MICU1: variants seen among roughly 807,000 people sequenced by gnomAD.
MICU1 encodes the protein calcium uptake protein 1, mitochondrial.
A neutral mutation model predicts 56.8 loss-of-function variants in MICU1; 45 were observed. The observed-to-expected ratio is 0.79, with a 90% CI of 0.62 to 1.02. The LOEUF (loss-of-function observed/expected upper bound fraction) is 1.02. MICU1 is among the 50% of genes least tolerant of loss of function. The pLI is 0.00. For missense variants in MICU1, 504 were observed against 587.1 expected (o/e 0.86, Z 1.46); for synonymous variants, 186 against 195.1 (o/e 0.95, Z 0.39).
intron 1 of MICU1, among the ~76,000 whole-genome samples, chr10:72,593,635 C>CA (rs566699081): frequency 2.8e-4 from 42 of 151,862 alleles, no homozygotes; most frequent in African/African-American, 9.7e-4. Flanking sequence ...AAGATTGCAC[C>CA]AAAAAACTGT....
chr10:72,376,048 T>C (rs994212024), intron 10 of MICU1, among the ~76,000 whole-genome samples, 176 bp from the exon 11 acceptor site: 10 of 152,196 alleles, frequency 6.6e-5, no homozygotes, highest in Non-Finnish European at 1.5e-4. Context: ...TCCAGCACTT[T>C]GGGAGGCCGA....
intron 4 of MICU1, among the ~76,000 whole-genome samples, chr10:72,540,398 A>T (rs540084560): frequency 6.6e-6 from 1 of 152,224 alleles, no homozygotes; most frequent in South Asian, 2.1e-4. Flanking sequence ...ATGGAGCCAG[A>T]TGTGGTATCT....
chr10:72,447,875 T>C (rs1355309738), intron 8 of MICU1, among the ~76,000 whole-genome samples: 1 of 152,056 alleles, frequency 6.6e-6, no homozygotes, highest in African/African-American at 2.4e-5. Flanking sequence ...AATTATGAAG[T>C]TGCATATTCT....
intron 10 of MICU1, among the ~76,000 whole-genome samples, chr10:72,393,760 T>TTTTG (rs112773811): frequency 0.042 from 6,326 of 151,966 alleles, 334 homozygotes; most frequent in African/African-American, 0.12. Context: ...AAAGTACCTA[T>TTTTG]TTTGTTTGTT....
chr10:72,389,758 A>T (rs1162863629), intron 10 of MICU1, among the ~76,000 whole-genome samples: 4 of 152,190 alleles, frequency 2.6e-5, no homozygotes, highest in African/African-American at 9.6e-5. Flanking sequence ...CCTGGCAGAA[A>T]TTGGAATATT....
At position 72,551,286 on chromosome 10, in the gene MICU1, C is replaced by A. The variant is rs375664373; in HGVS notation, c.386G>T (p.Arg129Leu). ...GATGACTTTCAAGGTGGCAAAATATCGGAAGATTTTGTCTGGCGTGGAGTA... is the reference window on the plus strand; with the variant it reads ...GATGACTTTCAAGGTGGCAAAATATAGGAAGATTTTGTCTGGCGTGGAGTA... ...RAYSTPDKIF[R>L]YFATLKVISE... is the part of the protein sequence containing the mutation. Residue 129 changes from arginine (R) to leucine (L), a missense_variant, in exon 4 of 12, where the codon CGA (arginine) becomes CTA (leucine). Physicochemically the swap from Arg to Leu is moderately radical, Grantham distance 102. Coordinates refer to ENST00000361114, the MANE Select transcript of MICU1 (RefSeq NM_001195518.2). 2 of 1,613,234 alleles carry A rather than the reference C, an allele frequency of 1.2e-6. No individual in the cohort carries two copies. Among genetic ancestry groups the A allele is most frequent in the Non-Finnish European group, 1.7e-6 (2 of 1,179,612 alleles).
chr10:72,577,247 T>C (rs1379437003), intron 1 of MICU1, among the ~76,000 whole-genome samples: 1 of 151,916 alleles, frequency 6.6e-6, no homozygotes, highest in Admixed American at 6.6e-5. Context: ...TGGTGGCTCA[T>C]GTCTGTAATC....
chr10:72,513,925 C>T (rs2132362147), intron 5 of MICU1, among the ~76,000 whole-genome samples: 1 of 152,178 alleles, frequency 6.6e-6, no homozygotes, highest in East Asian at 1.9e-4. Context: ...ACATCATTTA[C>T]ATTTTTGTAA....
chr10:72,485,685 G>A (rs1589267371), intron 6 of MICU1, among the ~76,000 whole-genome samples: 1 of 151,558 alleles, frequency 6.6e-6, no homozygotes, highest in African/African-American at 2.4e-5. Context: ...AATAAAGTAC[G>A]GAAAATACTT....
At chr10:72,420,740 T>C (rs1456314716) in intron 9 of MICU1, among the ~76,000 whole-genome samples, 1 of 151,642 alleles carries the variant, frequency 6.6e-6, no homozygotes, top group African/African-American at 2.4e-5. Flanking sequence ...AGTAGCATGA[T>C]CATAGCTAAC....
At chr10:72,516,781 T>G (rs1867659166) in intron 5 of MICU1, among the ~76,000 whole-genome samples, 1 of 152,212 alleles carries the variant, frequency 6.6e-6, no homozygotes, top group African/African-American at 2.4e-5. Context: ...TCTGTTCTGT[T>G]CCATTGGTCT....
intron 6 of MICU1, among the ~76,000 whole-genome samples, chr10:72,482,190 G>A (rs976234346): frequency 5.3e-5 from 8 of 152,136 alleles, no homozygotes; most frequent in African/African-American, 1.2e-4. Flanking sequence ...GGAATGGTAC[G>A]GGTAGGAATG....
chr10:72,424,074 T>C (rs1430774244), intron 8 of MICU1, among the ~76,000 whole-genome samples: 4 of 152,102 alleles, frequency 2.6e-5, no homozygotes, highest in South Asian at 4.1e-4. Flanking sequence ...TGTATTTTAA[T>C]ACAATTACTT....
At chr10:72,373,970 G>A (rs1009291274) in intron 11 of MICU1, among the ~76,000 whole-genome samples, 5 of 152,204 alleles carry the variant, frequency 3.3e-5, no homozygotes, top group Non-Finnish European at 7.3e-5. Context: ...ATAGCCACAT[G>A]TGCCTTGGTG....
At chr10:72,441,850 T>G (rs1864946413) in intron 8 of MICU1, among the ~76,000 whole-genome samples, 1 of 152,054 alleles carries the variant, frequency 6.6e-6, no homozygotes, top group African/African-American at 2.4e-5. Context: ...ACTCCTGTAC[T>G]CAAGTGATCC....
At chr10:72,409,130 A>T (rs781340359) in intron 9 of MICU1, among the ~76,000 whole-genome samples, 1 of 152,164 alleles carries the variant, frequency 6.6e-6, no homozygotes, top group Non-Finnish European at 1.5e-5. Context: ...GTTTCTAAGA[A>T]GGGAAAACAC....
chr10:72,441,390 C>T (rs969647900), intron 8 of MICU1, among the ~76,000 whole-genome samples: 4 of 149,474 alleles, frequency 2.7e-5, no homozygotes, highest in Non-Finnish European at 5.9e-5. Context: ...GAACATCACA[C>T]ACCAGGGCCT....
chr10:72,524,128 T>C (rs1428740158), intron 5 of MICU1: 1 of 364,884 alleles, frequency 2.7e-6, no homozygotes, highest in African/African-American at 2.2e-5. Context: ...AAGACTTTTT[T>C]GTTTTTGTTT....
At chr10:72,412,407 T>C (rs1381133898) in intron 9 of MICU1, among the ~76,000 whole-genome samples, 1 of 152,206 alleles carries the variant, frequency 6.6e-6, no homozygotes, top group Non-Finnish European at 1.5e-5. Context: ...TTTGGAAAGA[T>C]GGACTTATAT....
Sources: gnomAD v4.1 joint callset for allele counts (sites outside exome capture counted in the v4.1 genomes callset) on GRCh38, gnomAD v4.1.1 for gene constraint, MANE v1.5 for transcripts, NCBI Gene and HGNC (gene_info 2026-07-23, HGNC 2026-07-21) for gene names.